Variants in GRM7 observed in about 807,000 individuals in gnomAD.
GRM7 encodes glutamate metabotropic receptor 7.
GRM7 carries 35 observed loss-of-function variants against 84.5 expected under a neutral mutation model. The ratio of observed to expected loss-of-function variants is 0.41; its 90% CI spans 0.32 to 0.55. The LOEUF (loss-of-function observed/expected upper bound fraction) is 0.55, where lower values mean the gene tolerates loss of function less well. Ranked by LOEUF, GRM7 falls within the 20% of genes least tolerant of loss-of-function variation. The probability of loss-of-function intolerance (pLI) is 0.19; values close to 1 mark genes in which losing one functional copy is unlikely to be tolerated. For missense variants in GRM7, 1,003 were observed against 1,194.6 expected, an observed-to-expected ratio of 0.84 and a Z score of 2.36; for synonymous variants, 487 against 455.1, an observed-to-expected ratio of 1.07 and a Z score of -0.89.
At chr3:7,193,116 A>G (rs1695769140) in intron 2 of GRM7, among the ~76,000 whole-genome samples, 1 of 152,028 alleles carries the variant, frequency 6.6e-6, no homozygotes, top group Admixed American at 6.6e-5. Context: ...TAATTCCTAT[A>G]CCAGTACCTC....
intron 9 of GRM7, among the ~76,000 whole-genome samples, chr3:7,695,494 T>C (rs1700984541): frequency 6.6e-6 from 1 of 152,204 alleles, no homozygotes; most frequent in Non-Finnish European, 1.5e-5. Flanking sequence ...ATGCTTTCTA[T>C]GCGTTTCTGC....
chr3:7,092,660 G>T (rs1698710924), intron 1 of GRM7, among the ~76,000 whole-genome samples: 1 of 152,050 alleles, frequency 6.6e-6, no homozygotes, highest in Non-Finnish European at 1.5e-5. Flanking sequence ...GAGGGCTCCG[G>T]TATGCTCAAG....
At chr3:7,082,896 A>G (rs1164127836) in intron 1 of GRM7, among the ~76,000 whole-genome samples, 1 of 152,194 alleles carries the variant, frequency 6.6e-6, no homozygotes, top group Non-Finnish European at 1.5e-5. Flanking sequence ...CTTTGCTGCA[A>G]TCTCATAATA....
chr3:7,149,300 C>T (rs1694204217), intron 2 of GRM7, among the ~76,000 whole-genome samples: 1 of 151,884 alleles, frequency 6.6e-6, no homozygotes, highest in Non-Finnish European at 1.5e-5. Flanking sequence ...TTCTGTGGGC[C>T]TCTCATAAGG....
At chr3:7,414,938 GAAAAA>G (rs919699627) in intron 4 of GRM7, 80 bp from the exon 5 acceptor site, 1 of 1,027,648 alleles carries the variant, frequency 9.7e-7, no homozygotes. Context: ...CTGAAACAAA[GAAAAA>G]AAAAGTCACT....
In GRM7 at chr3:7,417,222, A is replaced by G. The variant is rs3804980; in HGVS notation, c.1174+2059A>G. 3.5e-3 allele frequency among the ~76,000 whole-genome samples: 537 copies of G among 152,208 alleles called. 12 individuals are homozygous for G. The East Asian group carries it at 0.052, about 15-fold the overall frequency. ...ATCACATTCACTAAATTATAAGTGT[A>G]CCCAAAATATTCGTATATTCTCACC... On this transcript the variant is annotated intron_variant, in intron 5 of 9. Transcript: ENST00000357716.
At chr3:7,233,790 AATT>A (rs1697266403) in intron 2 of GRM7, among the ~76,000 whole-genome samples, 1 of 152,080 alleles carries the variant, frequency 6.6e-6, no homozygotes, top group Non-Finnish European at 1.5e-5. Context: ...AAATAAACCC[AATT>A]TTTGGATCCC....
At chr3:7,469,263 T>C (rs552350948) in intron 7 of GRM7, among the ~76,000 whole-genome samples, 1 of 152,346 alleles carries the variant, frequency 6.6e-6, no homozygotes, top group East Asian at 1.9e-4. Context: ...ATTTGAGAAC[T>C]TGGTTTACCA....
intron 3 of GRM7, among the ~76,000 whole-genome samples, chr3:7,303,416 T>C (rs1013475855): frequency 4.6e-5 from 7 of 152,160 alleles, no homozygotes; most frequent in African/African-American, 1.7e-4. Context: ...CTGCATAATG[T>C]GTACGTGTTA....
intron 4 of GRM7, among the ~76,000 whole-genome samples, chr3:7,327,540 AT>A (rs1364230107): frequency 6.6e-6 from 1 of 152,192 alleles, no homozygotes; most frequent in Non-Finnish European, 1.5e-5. Context: ...TATATTTAAC[AT>A]TTTGACCTTT....
intron 1 of GRM7, among the ~76,000 whole-genome samples, chr3:7,112,604 C>T (rs1692897480): frequency 1.3e-5 from 2 of 152,048 alleles, no homozygotes. Context: ...GCTGATCAGC[C>T]TGGTGTGCCA....
intron 4 of GRM7, among the ~76,000 whole-genome samples, chr3:7,335,370 G>C (rs916615606): frequency 6.6e-6 from 1 of 151,924 alleles, no homozygotes; most frequent in Non-Finnish European, 1.5e-5. Flanking sequence ...TTGAATAATA[G>C]TGACACAACC....
At chr3:7,334,060 C>G (rs922591510) in intron 4 of GRM7, among the ~76,000 whole-genome samples, 1 of 152,026 alleles carries the variant, frequency 6.6e-6, no homozygotes, top group Non-Finnish European at 1.5e-5. Flanking sequence ...GGAAAACTTC[C>G]TTGGTCTTGC....
At chr3:7,470,938 A>T (rs1316955024) in intron 7 of GRM7, among the ~76,000 whole-genome samples, 1 of 151,796 alleles carries the variant, frequency 6.6e-6, no homozygotes, top group Non-Finnish European at 1.5e-5. Context: ...CTTCCATCCA[A>T]TTGGGAGAAA....
Position 6,861,299 on chromosome 3 carries a change from G to T in GRM7, c.-90G>T. ...CCTGCAGGAGCCCCTGGGCTTTCCC[G>T]GAGGAGCTCGCCCTGAAGGGCCCGG... On this transcript the variant is annotated 5_prime_UTR_variant, in exon 1 of 10. Coordinates refer to ENST00000357716, the MANE Select transcript of GRM7 (RefSeq NM_000844.4). The surrounding 1 kb of genome is among the most constrained non-coding windows in gnomAD (Gnocchi z 6.4). The T allele has an allele frequency of 8.4e-7, 1 of 1,196,880 alleles. No homozygotes were observed. The highest frequency in any genetic ancestry group is 1.1e-6 in the Non-Finnish European group (1 of 912,524). 74.1% of individuals were successfully genotyped at this position (1,196,880 alleles called of 1,614,324 possible).
intron 2 of GRM7, among the ~76,000 whole-genome samples, chr3:7,239,916 C>G (rs1313621516): frequency 4.6e-5 from 7 of 152,074 alleles, no homozygotes; most frequent in Admixed American, 4.6e-4. Context: ...AACTTTTGAT[C>G]ATATTTTTAA....
At chr3:7,583,560 G>A (rs1236707413) in intron 8 of GRM7, among the ~76,000 whole-genome samples, 3 of 152,084 alleles carry the variant, frequency 2.0e-5, no homozygotes, top group African/African-American at 2.4e-5. Flanking sequence ...ATTTAGTTTC[G>A]GATTCTTGAT....
intron 4 of GRM7, among the ~76,000 whole-genome samples, chr3:7,376,152 T>C (rs1341998811): frequency 6.6e-6 from 1 of 152,152 alleles, no homozygotes; most frequent in Non-Finnish European, 1.5e-5. Flanking sequence ...AGTGTCTGCA[T>C]CATGCTGACC....
intron 1 of GRM7, among the ~76,000 whole-genome samples, chr3:7,103,816 T>TTCTTTCTTTCTTTCTTTCTCTCTC (rs1553617438): frequency 3.7e-4 from 33 of 89,062 alleles, no homozygotes; most frequent in African/African-American, 5.3e-4. Flanking sequence ...CTTTCTTTCT[T>TTCTTTCTTTCTTTCTTTCTCTCTC]TCTCTCTCTC....
Sources: allele counts gnomAD v4.1 joint callset (sites outside exome capture counted in the v4.1 genomes callset), GRCh38; gene constraint gnomAD v4.1.1; non-coding constraint Gnocchi (gnomAD v3.1); transcripts MANE v1.5; gene names NCBI Gene and HGNC (gene_info 2026-07-23, HGNC 2026-07-21).